Variants in DPH6 observed in about 807,000 individuals in gnomAD.
DPH6 encodes the protein diphthamine biosynthesis 6, also known as diphthine--ammonia ligase.
In DPH6, 33 loss-of-function variants were observed where a neutral mutation model predicts 38.2. That is an observed-to-expected ratio of 0.86 (90% CI 0.65 to 1.15). The LOEUF (loss-of-function observed/expected upper bound fraction) is 1.15, where lower values mean the gene tolerates loss of function less well. Ranked by LOEUF, DPH6 falls within the 50% of genes most tolerant of loss-of-function variation. The pLI, the probability that DPH6 is intolerant of heterozygous loss-of-function variation, is 0.00. For missense variants in DPH6, 325 were observed against 320.0 expected (o/e 1.02, Z -0.12); for synonymous variants, 108 against 103.0 (o/e 1.05, Z -0.30).
chr15:35,380,466 T>C (rs1240996299), intron 7 of DPH6, among the ~76,000 whole-genome samples: 3 of 152,326 alleles, frequency 2.0e-5, no homozygotes, highest in Middle Eastern at 6.8e-3. Context: ...CATAAAGACT[T>C]CCAGGTGCTC....
At chr15:35,490,300 G>T (rs573369374) in intron 3 of DPH6, 3 of 459,452 alleles carry the variant, frequency 6.5e-6, no homozygotes, top group Non-Finnish European at 8.6e-6. Flanking sequence ...CCAAATGAAT[G>T]TGAGTAACTA....
chr15:35,190,325 T>C, the DPH6 span, among the ~76,000 whole-genome samples: 18 of 152,302 alleles, frequency 1.2e-4, no homozygotes, highest in African/African-American at 4.3e-4. Context: ...GACCGGAGTT[T>C]TATTATTACT....
the DPH6 span, among the ~76,000 whole-genome samples, chr15:35,208,480 C>T: frequency 6.6e-6 from 1 of 152,120 alleles, no homozygotes; most frequent in Non-Finnish European, 1.5e-5. Context: ...CCACCTGTTA[C>T]CAGGTGCAGC....
chr15:35,352,609 C>T (rs1566877853), intron 3 of DPH6, among the ~76,000 whole-genome samples: 1 of 152,176 alleles, frequency 6.6e-6, no homozygotes, highest in East Asian at 1.9e-4. Flanking sequence ...AGGACATGAA[C>T]TCATCATTTT....
intron 3 of DPH6, among the ~76,000 whole-genome samples, chr15:35,513,669 G>C (rs2054806453): frequency 6.6e-6 from 1 of 151,814 alleles, no homozygotes; most frequent in South Asian, 2.1e-4. Flanking sequence ...GAAAGAAACT[G>C]GTTACTTTAT....
chr15:35,362,772 T>C (rs1442060987), intron 3 of DPH6, among the ~76,000 whole-genome samples: 2 of 151,710 alleles, frequency 1.3e-5, no homozygotes, highest in Non-Finnish European at 2.9e-5. Context: ...GGCATCACAG[T>C]TGACACAGAT....
intron 3 of DPH6, chr15:35,521,583 G>T: frequency 8.1e-7 from 1 of 1,227,202 alleles, no homozygotes. Flanking sequence ...AAATGTATTT[G>T]CAATATTGCT....
At chr15:35,517,868 T>G (rs1431042146) in intron 3 of DPH6, among the ~76,000 whole-genome samples, 1 of 152,224 alleles carries the variant, frequency 6.6e-6, no homozygotes, top group African/African-American at 2.4e-5. Context: ...AGCTTTTAAT[T>G]ATACTGAAGA....
At chr15:35,226,443 T>A (rs1411729367) in intron 3 of DPH6, among the ~76,000 whole-genome samples, 1 of 151,682 alleles carries the variant, frequency 6.6e-6, no homozygotes, top group African/African-American at 2.4e-5. Context: ...TTAAAAAAAA[T>A]AGGTAAAGAA....
At chr15:35,339,218 C>G (rs1011553019) in intron 3 of DPH6, among the ~76,000 whole-genome samples, 1 of 151,240 alleles carries the variant, frequency 6.6e-6, no homozygotes, top group South Asian at 2.1e-4. Flanking sequence ...ATAAATTTCC[C>G]TCTTAACACT....
At chr15:35,313,965 A>C (rs954822983) in intron 3 of DPH6, among the ~76,000 whole-genome samples, 1 of 152,136 alleles carries the variant, frequency 6.6e-6, no homozygotes, top group Non-Finnish European at 1.5e-5. Context: ...TCAAGCTAAA[A>C]AGCTTCTGCA....
intron 3 of DPH6, among the ~76,000 whole-genome samples, chr15:35,523,033 G>A (rs1443987471): frequency 1.3e-5 from 2 of 151,878 alleles, no homozygotes; most frequent in African/African-American, 4.8e-5. Context: ...TATTTCCTTA[G>A]TTATAAATTC....
chr15:35,238,146 CT>C, intron 3 of DPH6: 3 of 911,480 alleles, frequency 3.3e-6, no homozygotes, highest in East Asian at 3.3e-5. Context: ...ATCCTGCCCC[CT>C]GAAACTTATT....
intron 5 of DPH6, among the ~76,000 whole-genome samples, chr15:35,419,858 C>G (rs1375957514): frequency 6.6e-6 from 1 of 152,078 alleles, no homozygotes; most frequent in East Asian, 1.9e-4. Flanking sequence ...TTCAATACCC[C>G]ACTATCAACA....
intron 6 of DPH6, among the ~76,000 whole-genome samples, chr15:35,408,231 CACTT>C (rs2053320655): frequency 6.6e-6 from 1 of 151,870 alleles, no homozygotes; most frequent in Non-Finnish European, 1.5e-5. Flanking sequence ...AATGAGGACT[CACTT>C]AAAGTTTTGA....
At chr15:35,240,935 C>T (rs1193977579) in intron 3 of DPH6, among the ~76,000 whole-genome samples, 1 of 143,422 alleles carries the variant, frequency 7.0e-6, no homozygotes, top group African/African-American at 2.5e-5. Flanking sequence ...TTCCTTGCCT[C>T]CACTGTGAGA....
At chr15:35,535,425 A>G (rs1446107424) in intron 3 of DPH6, among the ~76,000 whole-genome samples, 3 of 152,184 alleles carry the variant, frequency 2.0e-5, no homozygotes, top group Non-Finnish European at 4.4e-5. Context: ...TTAAATATAG[A>G]TTATACTGAA....
the DPH6 span, among the ~76,000 whole-genome samples, chr15:35,206,598 A>G: frequency 1.3e-5 from 2 of 152,190 alleles, no homozygotes; most frequent in Admixed American, 6.5e-5. Context: ...TCAAGACCAA[A>G]GTGATAGCTT....
At chr15:35,194,397 T>TAG in the DPH6 span, among the ~76,000 whole-genome samples, 10 of 125,050 alleles carry the variant, frequency 8.0e-5, no homozygotes, top group Admixed American at 1.6e-4. Flanking sequence ...GAGAGAGAGA[T>TAG]AGAGAGAGAG....
Sources: gnomAD v4.1 joint callset for allele counts (sites outside exome capture counted in the v4.1 genomes callset) on GRCh38, gnomAD v4.1.1 for gene constraint, MANE v1.5 for transcripts, NCBI Gene and HGNC (gene_info 2026-07-23, HGNC 2026-07-21) for gene names.